CPXM2: variants seen among roughly 807,000 people sequenced by gnomAD.
The protein encoded by CPXM2 is inactive carboxypeptidase-like protein X2.
In CPXM2, 66 loss-of-function variants were observed where a neutral mutation model predicts 86.1. The observed-to-expected ratio is 0.77, with a 90% CI of 0.63 to 0.94. The LOEUF (loss-of-function observed/expected upper bound fraction) is 0.94. Ranked by LOEUF, CPXM2 falls within the 40% of genes least tolerant of loss-of-function variation. The pLI is 0.00. For missense variants in CPXM2, 948 were observed against 1,026.3 expected, an observed-to-expected ratio of 0.92 and a Z score of 1.04; for synonymous variants, 388 against 400.2, an observed-to-expected ratio of 0.97 and a Z score of 0.36.
chr10:123,845,122 A>G (rs997348051), intron 3 of CPXM2, among the ~76,000 whole-genome samples: 6 of 151,766 alleles, frequency 4.0e-5, no homozygotes, highest in African/African-American at 1.5e-4. Flanking sequence ...CCCACTCCAC[A>G]GAGGACCTGA....
intron 6 of CPXM2, among the ~76,000 whole-genome samples, chr10:123,783,904 T>C (rs1242292948): frequency 6.6e-6 from 1 of 152,152 alleles, no homozygotes; most frequent in African/African-American, 2.4e-5. Flanking sequence ...GTTATGTGGA[T>C]CGACAAACTC....
chr10:123,821,000 A>T (rs561345305), intron 4 of CPXM2, among the ~76,000 whole-genome samples: 26 of 152,334 alleles, frequency 1.7e-4, no homozygotes, highest in Non-Finnish European at 2.6e-4. Context: ...ATTTCTGCCT[A>T]CAACAAGAAC....
intron 6 of CPXM2, among the ~76,000 whole-genome samples, chr10:123,780,489 T>G (rs1266990388): frequency 6.6e-6 from 1 of 152,228 alleles, no homozygotes; most frequent in Non-Finnish European, 1.5e-5. Context: ...TCTACTTACA[T>G]GCTGTATGAG....
At chr10:123,883,807 C>G (rs933660660) in intron 1 of CPXM2, among the ~76,000 whole-genome samples, 1 of 152,152 alleles carries the variant, frequency 6.6e-6, no homozygotes, top group South Asian at 2.1e-4. Flanking sequence ...ACAGGCCCCC[C>G]CTTCATAGCC....
chr10:123,816,421 T>C (rs939479960), intron 4 of CPXM2, among the ~76,000 whole-genome samples: 1 of 152,162 alleles, frequency 6.6e-6, no homozygotes, highest in Non-Finnish European at 1.5e-5. Flanking sequence ...AAAAACAGTA[T>C]CGCATTCCTG....
rs147621142 is a variant in CPXM2 at position 123,762,035 on chromosome 10, T to A, written c.1614A>T (p.Glu538Asp). Residue 538 changes from glutamate to aspartate, a missense_variant, in exon 11 of 14, where the codon GAA becomes GAT. Transcript: ENST00000241305. ...DLVRSPWKTQ[E>D]HTPTPDDHVF... The stretch of plus-strand genomic sequence containing the variant: ...CGTGGTCGTCGGGGGTGGGGGTGTG[T>A]TCCTGCGTCTTCCAGGGGGACCGCA... 1 of 1,613,836 alleles carries A rather than the reference T, an allele frequency of 6.2e-7. No individual in the cohort carries two copies. Among genetic ancestry groups the A allele is most frequent in the Non-Finnish European group, 8.5e-7 (1 of 1,179,968 alleles).
intron 10 of CPXM2, among the ~76,000 whole-genome samples, chr10:123,763,043 T>TTTTA (rs10676639): frequency 0.051 from 7,805 of 152,058 alleles, 551 homozygotes; most frequent in African/African-American, 0.17. Context: ...CCCCCTCTGG[T>TTTTA]TTTATTTATT....
intron 4 of CPXM2, among the ~76,000 whole-genome samples, chr10:123,810,880 A>G (rs1847676182): frequency 6.6e-6 from 1 of 152,148 alleles, no homozygotes; most frequent in South Asian, 2.1e-4. Context: ...GTATTGTCCT[A>G]TCAAGATATT....
intron 10 of CPXM2, 58 bp downstream of exon 10, chr10:123,766,915 C>A: frequency 7.4e-7 from 1 of 1,349,466 alleles, no homozygotes; most frequent in African/African-American, 1.4e-5. Context: ...CTGCAAATAC[C>A]AATGGAGGTT....
chr10:123,802,114 G>A (rs573353517), intron 4 of CPXM2, among the ~76,000 whole-genome samples: 19 of 152,344 alleles, frequency 1.2e-4, no homozygotes, highest in African/African-American at 3.8e-4. Context: ...GGAAGGGACA[G>A]GGGAGCAGAG....
upstream of CPXM2, chr10:123,891,969 G>C (rs533173611): frequency 1.3e-5 from 2 of 152,172 alleles, no homozygotes; most frequent in African/African-American, 4.8e-5. This position sits in a 1 kb window ranked among gnomAD's most constrained non-coding sequence, Gnocchi z 5.6. Context: ...AAGCAGCCAA[G>C]CCCAAGAAAG....
rs1203291933 is a variant in CPXM2 at position 123,854,361 on chromosome 10, A to AAT, written c.513+8251_513+8252dup. Among the ~76,000 whole-genome samples the AAT allele has an allele frequency of 6.7e-5, 8 of 119,784 alleles. No individual in the cohort carries two copies. In the South Asian group the frequency reaches 7.0e-4, roughly 10 times the overall value. 78.6% of individuals were successfully genotyped at this position (119,784 alleles called of 152,430 possible). A position where few individuals can be genotyped will look rare whatever the true frequency, so the allele number is the denominator to read the frequency against. On this transcript the variant is annotated intron_variant, in intron 3 of 13. Transcript: ENST00000241305. ...GAACAAATATATATATATATATAAA[A>AAT]ATATATATATATAATATATATATAA... is the stretch of plus-strand genomic sequence containing the variant.
chr10:123,819,786 G>C (rs916424862), intron 4 of CPXM2, among the ~76,000 whole-genome samples: 3 of 152,196 alleles, frequency 2.0e-5, no homozygotes, highest in African/African-American at 7.2e-5. Flanking sequence ...AAATTGACAA[G>C]AGATGGGCTT....
chr10:123,771,096 C>A, intron 7 of CPXM2, 57 bp from the exon 8 acceptor site: 1 of 1,558,048 alleles, frequency 6.4e-7, no homozygotes, highest in African/African-American at 1.4e-5. Flanking sequence ...ACTAAAAGGA[C>A]AGAGCTCCCA....
chr10:123,822,667 A>G (rs571869455), intron 4 of CPXM2, among the ~76,000 whole-genome samples: 1 of 152,188 alleles, frequency 6.6e-6, no homozygotes, highest in Non-Finnish European at 1.5e-5. Flanking sequence ...AAAAATTTAT[A>G]CAAGAGAATA....
At chr10:123,783,312 C>G (rs561464375) in intron 6 of CPXM2, among the ~76,000 whole-genome samples, 12 of 152,230 alleles carry the variant, frequency 7.9e-5, no homozygotes, top group Non-Finnish European at 1.2e-4. Context: ...CTTTCTTGCA[C>G]GAGGTCCAGG....
At position 123,823,544 on chromosome 10, in the gene CPXM2, G is replaced by A. The variant is rs1216697401; in HGVS notation, c.653+18805C>T. ...TAGAGTACACTATTTGACCTGGCTTGTAAACAACAATTCAATAATAACTAT... is the reference window on the plus strand; with the variant it reads ...TAGAGTACACTATTTGACCTGGCTTATAAACAACAATTCAATAATAACTAT... On this transcript the variant is annotated intron_variant, in intron 4 of 13. Transcript: ENST00000241305. Among the ~76,000 whole-genome samples the A allele has an allele frequency of 2.0e-5, 3 of 152,118 alleles. No homozygotes were observed. The East Asian group carries it at 5.8e-4, about 29-fold the overall frequency.
intron 2 of CPXM2, among the ~76,000 whole-genome samples, chr10:123,914,595 C>T (rs1307547270): frequency 6.6e-6 from 1 of 152,198 alleles, no homozygotes; most frequent in Non-Finnish European, 1.5e-5. Context: ...TCTCTGCCAA[C>T]AACACCATTT....
chr10:123,903,667 T>A (rs932420471), intron 2 of CPXM2, among the ~76,000 whole-genome samples: 9 of 152,232 alleles, frequency 5.9e-5, no homozygotes, highest in Non-Finnish European at 1.2e-4. Flanking sequence ...TTCTTCCTCA[T>A]CTCACACTGG....
Sources: allele counts gnomAD v4.1 joint callset (sites outside exome capture counted in the v4.1 genomes callset), GRCh38; gene constraint gnomAD v4.1.1; non-coding constraint Gnocchi (gnomAD v3.1); transcripts MANE v1.5; gene names NCBI Gene and HGNC (gene_info 2026-07-23, HGNC 2026-07-21).